Variants in FAT3 observed in about 807,000 individuals in gnomAD.
FAT3 encodes the protein protocadherin Fat 3.
FAT3 carries 95 observed loss-of-function variants against 310.2 expected under a neutral mutation model. The observed-to-expected ratio is 0.31, with a 90% confidence interval of 0.26 to 0.36. The LOEUF is 0.36. Ranked by LOEUF, FAT3 falls within the 10% of genes least tolerant of loss-of-function variation. FAT3 has a pLI of 1.00. For synonymous variants in FAT3, 2,314 were observed against 2,192.9 expected (o/e 1.06, Z -1.54); for missense variants, 5,408 against 5,715.6 (o/e 0.95, Z 1.74).
chr11:92,877,418 T>G (rs1041304592), intron 22 of FAT3, among the ~76,000 whole-genome samples: 2 of 152,130 alleles, frequency 1.3e-5, no homozygotes, highest in African/African-American at 4.8e-5. Context: ...GCAGGTGATG[T>G]TGAAATGCAG....
At chr11:92,635,702 CAGCT>C (rs1170711153) in intron 3 of FAT3, among the ~76,000 whole-genome samples, 1 of 152,210 alleles carries the variant, frequency 6.6e-6, no homozygotes, top group Non-Finnish European at 1.5e-5. Context: ...CTATTTAACT[CAGCT>C]AGCACTGAAC....
chr11:92,254,424 C>T (rs1353191885), intron 1 of FAT3, among the ~76,000 whole-genome samples: 1 of 152,058 alleles, frequency 6.6e-6, no homozygotes, highest in East Asian at 1.9e-4. Flanking sequence ...TTTTAAGGGG[C>T]AATGTGCGTA....
At chr11:92,783,267 A>C (rs1231244331) in intron 7 of FAT3, among the ~76,000 whole-genome samples, 2 of 149,334 alleles carry the variant, frequency 1.3e-5, no homozygotes, top group Non-Finnish European at 1.5e-5. Flanking sequence ...CTGAGGTGAG[A>C]GAATCACTTG....
chr11:92,586,391 A>T (rs2135547757), intron 3 of FAT3, among the ~76,000 whole-genome samples: 1 of 152,068 alleles, frequency 6.6e-6, no homozygotes, highest in East Asian at 1.9e-4. Context: ...TGTTTTCCTG[A>T]TTGAAGAAAA....
chr11:92,621,049 G>T (rs1436887180), intron 3 of FAT3, among the ~76,000 whole-genome samples: 1 of 152,114 alleles, frequency 6.6e-6, no homozygotes, highest in African/African-American at 2.4e-5. Context: ...AACTATCATG[G>T]TATTAAAGAT....
intron 13 of FAT3, among the ~76,000 whole-genome samples, chr11:92,816,959 G>A (rs1377143316): frequency 6.6e-6 from 1 of 152,044 alleles, no homozygotes; most frequent in African/African-American, 2.4e-5. Flanking sequence ...CCAGGTGACA[G>A]AGTGAGACTC....
chr11:92,698,259 A>G (rs976106958), intron 4 of FAT3, among the ~76,000 whole-genome samples: 2 of 152,090 alleles, frequency 1.3e-5, no homozygotes, highest in African/African-American at 4.8e-5. Context: ...ATACACAAAC[A>G]CACATACACA....
rs753101841 is a variant in FAT3, at chr11:92,798,613, T to C, written c.5600T>C (p.Val1867Ala). Residue 1867 changes from valine to alanine, a missense_variant, in exon 10 of 28, where the codon GTT becomes GCT. By Grantham distance (64) the Val-to-Ala change is moderately conservative. This residue lies in a region of FAT3 where 4,588 missense variants were observed against 4,809.8 expected (regional missense o/e 0.95). Coordinates refer to ENST00000525166, the MANE Select transcript of FAT3 (RefSeq NM_001367949.2). Reference protein sequence around the residue: ...GSPQLTAESPVEVNIEVTDVN... With the variant: ...GSPQLTAESPAEVNIEVTDVN... ...CCCCAACTGACTGCAGAGAGTCCCG[T>C]TGAAGTCAACATTGAGGTGACAGAT... 6.8e-6 allele frequency: 11 copies of C among 1,613,714 alleles called. No individual in the cohort carries two copies. The highest frequency in any genetic ancestry group is 1.6e-4 in the Middle Eastern group (1 of 6,082).
intron 1 of FAT3, among the ~76,000 whole-genome samples, chr11:92,276,171 C>G (rs1946264900): frequency 6.6e-6 from 1 of 152,110 alleles, no homozygotes; most frequent in East Asian, 1.9e-4. Context: ...AAAACAATGG[C>G]TAATACATTA....
chr11:92,486,407 A>G (rs1272408312), intron 2 of FAT3, among the ~76,000 whole-genome samples: 1 of 151,540 alleles, frequency 6.6e-6, no homozygotes, highest in African/African-American at 2.4e-5. Flanking sequence ...TCCTGGGGTC[A>G]TGTCCATCTC....
intron 18 of FAT3, among the ~76,000 whole-genome samples, chr11:92,843,120 C>T (rs959333354): frequency 6.6e-6 from 1 of 151,844 alleles, no homozygotes; most frequent in Non-Finnish European, 1.5e-5. Flanking sequence ...GTGACAGAGA[C>T]AAGATTCAAA....
chr11:92,752,650 G>A (rs1228130617), intron 4 of FAT3, among the ~76,000 whole-genome samples: 1 of 152,174 alleles, frequency 6.6e-6, no homozygotes, highest in Admixed American at 6.5e-5. Context: ...ACACTTACAG[G>A]TGTGATTATA....
At chr11:92,614,610 A>G (rs1345052409) in intron 3 of FAT3, among the ~76,000 whole-genome samples, 1 of 152,166 alleles carries the variant, frequency 6.6e-6, no homozygotes, top group African/African-American at 2.4e-5. Flanking sequence ...CTGGATAGAA[A>G]TTCTTCGTAT....
intron 21 of FAT3, among the ~76,000 whole-genome samples, chr11:92,861,342 G>T (rs975545924): frequency 1.4e-4 from 22 of 152,120 alleles, no homozygotes; most frequent in African/African-American, 5.3e-4. Context: ...AACCTGAATG[G>T]CTTGATCCTA....
At chr11:92,318,925 G>A (rs578250646) in intron 1 of FAT3, among the ~76,000 whole-genome samples, 2 of 152,306 alleles carry the variant, frequency 1.3e-5, no homozygotes, top group Non-Finnish European at 2.9e-5. Flanking sequence ...TCCATGTGCT[G>A]AATGTGGAAT....
At chr11:92,261,386 A>AG (rs1275262784) in intron 1 of FAT3, among the ~76,000 whole-genome samples, 1 of 152,078 alleles carries the variant, frequency 6.6e-6, no homozygotes, top group African/African-American at 2.4e-5. Flanking sequence ...TTGTAGACTG[A>AG]ATGAATTAAA....
intron 3 of FAT3, among the ~76,000 whole-genome samples, chr11:92,684,654 G>T (rs912218606): frequency 1.7e-4 from 26 of 152,244 alleles, no homozygotes; most frequent in Admixed American, 1.2e-3. Context: ...ATGATATGTA[G>T]TTATATTTAT....
At position 92,765,160 on chromosome 11, in the gene FAT3, AAAAG is replaced by A. The variant is rs1468717953; in HGVS notation, c.4195+80_4195+83del. On this transcript the variant is annotated intron_variant, in intron 6 of 27. Transcript: ENST00000525166. ...ACTGAAGCAACTAGGAAAAAAAAAA[AAAAG>A]AAAGAAAGCAAAAAACTAACAATTA... 11 of 1,338,244 alleles carry A rather than the reference AAAAG, an allele frequency of 8.2e-6. No individual in the cohort carries two copies. In the Admixed American group the frequency reaches 8.4e-5, roughly 10 times the overall value. The allele number at this position is 1,338,244 out of a possible 1,614,324, so 82.9% of individuals were successfully genotyped here.
At chr11:92,348,357 A>G (rs936219439) in intron 1 of FAT3, among the ~76,000 whole-genome samples, 2 of 152,210 alleles carry the variant, frequency 1.3e-5, no homozygotes, top group Non-Finnish European at 2.9e-5. Context: ...CCAGCAATGT[A>G]TCTTGCTGAA....
Sources: allele counts gnomAD v4.1 joint callset (sites outside exome capture counted in the v4.1 genomes callset), GRCh38; gene constraint gnomAD v4.1.1; regional missense constraint gnomAD v4.1.1; transcripts MANE v1.5; gene names NCBI Gene and HGNC (gene_info 2026-07-23, HGNC 2026-07-21).